The following PRR16 variants were observed in gnomAD, a reference collection of about 807,000 sequenced individuals.
The protein encoded by PRR16 is protein Largen.
A neutral mutation model predicts 18.2 loss-of-function variants in PRR16; 6 were observed. The observed-to-expected ratio is 0.33, with a 90% CI of 0.18 to 0.65. The LOEUF is 0.65. Among genes scored for constraint, PRR16 ranks in the 30% least tolerant of loss-of-function variants. The pLI is 0.74. For synonymous variants in PRR16, 151 were observed against 147.8 expected, an observed-to-expected ratio of 1.02 and a Z score of -0.16; for missense variants, 412 against 376.6, an observed-to-expected ratio of 1.09 and a Z score of -0.78.
chr5:120,598,853 C>A, intron 1 of PRR16, among the ~76,000 whole-genome samples: 1 of 151,716 alleles, frequency 6.6e-6, no homozygotes, highest in Non-Finnish European at 1.5e-5. Context: ...CTTATTAATG[C>A]TTTTGGCTTT....
Position 120,631,649 on chromosome 5 carries a change from A to C in PRR16, c.160-54305A>C, listed in dbSNP as rs113799073. On this transcript the variant is annotated intron_variant, in intron 1 of 1. Transcript: ENST00000407149. ...ATAATTCCATTGGACTGAGAACTAC[A>C]CTCCTATTCCCCACAACAGCCAAAG... is the stretch of plus-strand genomic sequence containing the variant. Among the ~76,000 whole-genome samples, 771 of 151,864 alleles carry C rather than the reference A, an allele frequency of 5.1e-3. 1 individual carries two copies. Among genetic ancestry groups the C allele is most frequent in the African/African-American group, 0.018 (738 of 41,402 alleles).
At chr5:120,709,310 A>G in the PRR16 span, among the ~76,000 whole-genome samples, 1 of 151,992 alleles carries the variant, frequency 6.6e-6, no homozygotes, top group Non-Finnish European at 1.5e-5. Context: ...CCCGGCCGCA[A>G]TTAAGCTTCT....
chr5:120,793,912 T>C, the PRR16 span, among the ~76,000 whole-genome samples: 1 of 152,140 alleles, frequency 6.6e-6, no homozygotes, highest in East Asian at 1.9e-4. Flanking sequence ...ACAATGATAA[T>C]TGTGAATCTA....
At chr5:120,644,523 C>T (rs1755528583) in intron 1 of PRR16, among the ~76,000 whole-genome samples, 4 of 152,060 alleles carry the variant, frequency 2.6e-5, no homozygotes, top group African/African-American at 9.7e-5. Flanking sequence ...GCAAACAGGA[C>T]TTTGCAAAAT....
Position 120,632,802 on chromosome 5 carries a change from A to G in PRR16, c.160-53152A>G, listed in dbSNP as rs535187091. 2.0e-5 allele frequency among the ~76,000 whole-genome samples: 3 copies of G among 152,336 alleles called. No individual in the cohort carries two copies. The South Asian group carries it at 6.2e-4, about 32-fold the overall frequency. On this transcript the variant is annotated intron_variant, in intron 1 of 1. Transcript: ENST00000407149. Reference sequence around the variant, plus strand: ...AGAGAAATCTAAAAGTTTGGAAAACATATTTGAAGGAATAATTGAGAAACA... The same window carrying G: ...AGAGAAATCTAAAAGTTTGGAAAACGTATTTGAAGGAATAATTGAGAAACA...
intron 1 of PRR16, among the ~76,000 whole-genome samples, chr5:120,648,498 T>A (rs1490775954): frequency 6.6e-6 from 1 of 152,154 alleles, no homozygotes; most frequent in East Asian, 1.9e-4. Context: ...TATAGAAGCT[T>A]TCTGCCTGAG....
chr5:120,473,820 T>TGA (rs1749350065), intron 1 of PRR16, among the ~76,000 whole-genome samples: 1 of 152,058 alleles, frequency 6.6e-6, no homozygotes, highest in Admixed American at 6.6e-5. Context: ...TATTAGAAGG[T>TGA]GATTTATCTT....
At chr5:120,492,625 G>C (rs1350597348) in intron 1 of PRR16, among the ~76,000 whole-genome samples, 1 of 152,060 alleles carries the variant, frequency 6.6e-6, no homozygotes, top group Non-Finnish European at 1.5e-5. Context: ...ACATGGATGA[G>C]TTGTTTCATA....
At chr5:120,549,607 T>G (rs10062601) in intron 1 of PRR16, among the ~76,000 whole-genome samples, 29,172 of 151,886 alleles carry the variant, frequency 0.19, 2,967 homozygotes, top group Non-Finnish European at 0.21. Context: ...AGGCCTCCTT[T>G]CTTTCCTTCA....
intron 1 of PRR16, among the ~76,000 whole-genome samples, chr5:120,557,765 T>C (rs1316915670): frequency 2.6e-5 from 4 of 151,948 alleles, no homozygotes; most frequent in African/African-American, 9.7e-5. Context: ...ATGAACCATA[T>C]CTGATAGATT....
chr5:120,557,977 A>T (rs2112712042), intron 1 of PRR16, among the ~76,000 whole-genome samples: 1 of 151,948 alleles, frequency 6.6e-6, no homozygotes, highest in South Asian at 2.1e-4. Flanking sequence ...GTTAGAAATT[A>T]AGCATATTAC....
intron 1 of PRR16, among the ~76,000 whole-genome samples, chr5:120,564,211 G>A (rs749397855): frequency 1.5e-4 from 23 of 152,222 alleles, no homozygotes; most frequent in Middle Eastern, 6.8e-3. Flanking sequence ...CAACGCCTTC[G>A]GTTGGGGGAG....
At chr5:120,570,087 T>G (rs1462467610) in intron 1 of PRR16, among the ~76,000 whole-genome samples, 1 of 152,118 alleles carries the variant, frequency 6.6e-6, no homozygotes, top group Middle Eastern at 3.2e-3. Context: ...CATTCCCAGA[T>G]TATAAGCCTC....
the PRR16 span, among the ~76,000 whole-genome samples, chr5:120,697,668 G>GGGCC: frequency 6.6e-6 from 1 of 152,006 alleles, no homozygotes; most frequent in Admixed American, 6.6e-5. Flanking sequence ...GATAAGGGTG[G>GGGCC]GGCCGTTTTA....
At chr5:120,614,631 A>C (rs1312770419) in intron 1 of PRR16, among the ~76,000 whole-genome samples, 1 of 152,210 alleles carries the variant, frequency 6.6e-6, no homozygotes, top group Non-Finnish European at 1.5e-5. Flanking sequence ...GAGGAACAAA[A>C]GAAGGAATTG....
the PRR16 span, among the ~76,000 whole-genome samples, chr5:120,763,354 G>A: frequency 6.6e-6 from 1 of 151,986 alleles, no homozygotes; most frequent in East Asian, 1.9e-4. Flanking sequence ...CGCCATGTTG[G>A]CCAGGCTGAC....
chr5:120,545,850 A>G (rs912371766), intron 1 of PRR16, among the ~76,000 whole-genome samples: 2 of 152,070 alleles, frequency 1.3e-5, no homozygotes, highest in Admixed American at 6.6e-5. Context: ...GGAATATGTC[A>G]TTCCTCAACA....
intron 1 of PRR16, among the ~76,000 whole-genome samples, chr5:120,595,906 T>A (rs966802431): frequency 1.3e-5 from 2 of 151,958 alleles, no homozygotes; most frequent in Non-Finnish European, 2.9e-5. Flanking sequence ...ATCGTTAAAA[T>A]TACCTAATAT....
the PRR16 span, among the ~76,000 whole-genome samples, chr5:120,699,474 C>G: frequency 6.6e-6 from 1 of 151,964 alleles, no homozygotes; most frequent in African/African-American, 2.4e-5. Context: ...AGGCCGGATT[C>G]AAGTCTGGGC....
Sources: gnomAD v4.1 joint callset for allele counts (sites outside exome capture counted in the v4.1 genomes callset) on GRCh38, gnomAD v4.1.1 for gene constraint, MANE v1.5 for transcripts, NCBI Gene and HGNC (gene_info 2026-07-23, HGNC 2026-07-21) for gene names.